Variants in GAREM1 observed in about 807,000 individuals in gnomAD.
The protein encoded by GAREM1 is GRB2 associated regulator of MAPK1 subtype 1, also known as GRB2-associated and regulator of MAPK protein 1.
GAREM1 carries 26 observed loss-of-function variants against 71.3 expected under a neutral mutation model. The observed-to-expected ratio is 0.36, with a 90% CI of 0.27 to 0.51. The LOEUF (loss-of-function observed/expected upper bound fraction) is 0.51. Among genes scored for constraint, GAREM1 ranks in the 20% least tolerant of loss-of-function variants. The pLI is 0.95. For missense variants in GAREM1, 1,026 were observed against 1,103.1 expected (o/e 0.93, Z 0.99); for synonymous variants, 440 against 433.2 (o/e 1.02, Z -0.20).
intron 2 of GAREM1, among the ~76,000 whole-genome samples, chr18:32,317,886 C>T (rs1006653568): frequency 1.3e-5 from 2 of 152,044 alleles, no homozygotes; most frequent in Non-Finnish European, 2.9e-5. Flanking sequence ...AATCAATTTA[C>T]ATGACACATA....
chr18:32,333,274 C>T (rs1347058129), intron 2 of GAREM1, among the ~76,000 whole-genome samples: 1 of 151,874 alleles, frequency 6.6e-6, no homozygotes, highest in Non-Finnish European at 1.5e-5. Flanking sequence ...GGCACTGAAT[C>T]TTCACGTCAA....
intron 2 of GAREM1, among the ~76,000 whole-genome samples, chr18:32,325,073 C>G (rs1385473579): frequency 6.6e-6 from 1 of 152,184 alleles, no homozygotes; most frequent in East Asian, 1.9e-4. Context: ...ATTCTCCTGC[C>G]TCAGCCTCCG....
chr18:32,410,420 C>T (rs1445939080), intron 1 of GAREM1, among the ~76,000 whole-genome samples: 1 of 152,166 alleles, frequency 6.6e-6, no homozygotes, highest in African/African-American at 2.4e-5. Context: ...ATGATCATAG[C>T]TCAATGCAGC....
Position 32,266,196 on chromosome 18 carries a change from G to A in GAREM1, c.*1675C>T, listed in dbSNP as rs1046520362. On this transcript the variant is annotated 3_prime_UTR_variant, in exon 6 of 6. Transcript: ENST00000269209. ...CAATTCACTTCAACTCTAAAACCACGATATGGATTAAAAATATCTTTCTTC... is the reference window on the plus strand; with the variant it reads ...CAATTCACTTCAACTCTAAAACCACAATATGGATTAAAAATATCTTTCTTC... 33 of 152,094 alleles carry A rather than the reference G, an allele frequency of 2.2e-4. No individual in the cohort carries two copies. Among genetic ancestry groups the A allele is most frequent in the African/African-American group, 7.5e-4 (31 of 41,480 alleles). The allele number at this position is 152,094 out of a possible 1,614,324, so 9.4% of individuals were successfully genotyped here.
Position 32,267,499 on chromosome 18 carries a change from G to GT in GAREM1, c.*371dup, listed in dbSNP as rs58886413. On this transcript the variant is annotated 3_prime_UTR_variant, in exon 6 of 6. Transcript: ENST00000269209. The stretch of plus-strand genomic sequence containing the variant: ...TGAAAGAAGGGACTTGTTCAAAAGT[G>GT]TTTTTTTTTTTTTTTTAAAGATTTT... 9,365 of 143,166 alleles carry GT rather than the reference G, an allele frequency of 0.065. 490 individuals carry two copies. The highest frequency in any genetic ancestry group is 0.13 in the African/African-American group (5,178 of 39,212). 8.9% of individuals were successfully genotyped at this position (143,166 alleles called of 1,614,324 possible).
chr18:32,465,864 G>A (rs1458696306), intron 1 of GAREM1, among the ~76,000 whole-genome samples: 4 of 152,178 alleles, frequency 2.6e-5, no homozygotes. Context: ...GAAGGAACCT[G>A]TCGTTCACCA....
chr18:32,426,324 C>T (rs1461074572), intron 1 of GAREM1, among the ~76,000 whole-genome samples: 2 of 152,158 alleles, frequency 1.3e-5, no homozygotes, highest in African/African-American at 4.8e-5. Flanking sequence ...CGGCCTCTTT[C>T]TTTAATTCTA....
At chr18:32,286,028 T>C (rs917955137) in intron 4 of GAREM1, among the ~76,000 whole-genome samples, 2 of 152,166 alleles carry the variant, frequency 1.3e-5, no homozygotes, top group Non-Finnish European at 2.9e-5. Context: ...TAAAAAGGAT[T>C]CTTCTAGAGA....
intron 2 of GAREM1, among the ~76,000 whole-genome samples, chr18:32,354,665 C>T (rs779703971): frequency 6.6e-6 from 1 of 152,182 alleles, no homozygotes; most frequent in Non-Finnish European, 1.5e-5. Context: ...GGGGTCAACT[C>T]CCTCCACTGG....
At chr18:32,392,554 A>C (rs1380599213) in intron 2 of GAREM1, among the ~76,000 whole-genome samples, 1 of 152,310 alleles carries the variant, frequency 6.6e-6, no homozygotes, top group African/African-American at 2.4e-5. Context: ...TCACAAAAGC[A>C]ATGTTCAAAC....
In GAREM1 at chr18:32,297,585, A is replaced by G. The variant is rs2047155529; in HGVS notation, c.394-9382T>C. On this transcript the variant is annotated intron_variant, in intron 3 of 5. Transcript: ENST00000269209. ...GAAGCCCAAACCACTACTTCTAAGT[A>G]TTATCCTTCTCTGTACTGAATATCG... Among the ~76,000 whole-genome samples, 3 of 152,216 alleles carry G rather than the reference A, an allele frequency of 2.0e-5. No individual in the cohort carries two copies. In the South Asian group the frequency reaches 6.2e-4, roughly 32 times the overall value.
chr18:32,370,296 C>T (rs759295625), intron 2 of GAREM1, among the ~76,000 whole-genome samples: 12 of 151,784 alleles, frequency 7.9e-5, no homozygotes, highest in African/African-American at 2.2e-4. Flanking sequence ...GACGTGGTGG[C>T]GCACACCTGT....
chr18:32,467,198 T>TG (rs1407430197), intron 1 of GAREM1, among the ~76,000 whole-genome samples: 9 of 152,212 alleles, frequency 5.9e-5, no homozygotes, highest in Non-Finnish European at 1.2e-4. Flanking sequence ...CACTGCCTCT[T>TG]GCCTCTTTTC....
rs35086441 is a variant in GAREM1 at position 32,343,311 on chromosome 18, G to GTT, written c.263-32990_263-32989dup. Among the ~76,000 whole-genome samples the GTT allele has an allele frequency of 7.8e-3, 932 of 118,824 alleles. 12 individuals are homozygous for GTT. The highest frequency in any genetic ancestry group is 0.012 in the Non-Finnish European group (691 of 58,128). 78.0% of individuals were successfully genotyped at this position (118,824 alleles called of 152,430 possible). A position where few individuals can be genotyped will look rare whatever the true frequency, so the allele number is the denominator to read the frequency against. ...AGCTAAAAGAGTACTCTCCCCCACT[G>GTT]TTTTTTTTTTTTTTTTTTTTTGAGA... On this transcript the variant is annotated intron_variant, in intron 2 of 5. Coordinates refer to ENST00000269209, the MANE Select transcript of GAREM1 (RefSeq NM_001242409.2).
chr18:32,328,130 G>C (rs1049755712), intron 2 of GAREM1, among the ~76,000 whole-genome samples: 3 of 152,286 alleles, frequency 2.0e-5, no homozygotes, highest in Admixed American at 1.3e-4. Context: ...GTTCAAAGCA[G>C]TGTATGAAGT....
At chr18:32,363,141 G>A (rs1004690863) in intron 2 of GAREM1, among the ~76,000 whole-genome samples, 2 of 151,160 alleles carry the variant, frequency 1.3e-5, no homozygotes, top group African/African-American at 4.9e-5. Flanking sequence ...ATATACCAAA[G>A]TTTCCCTAGC....
chr18:32,358,245 T>G (rs577989029), intron 2 of GAREM1, among the ~76,000 whole-genome samples: 7 of 151,452 alleles, frequency 4.6e-5, no homozygotes, highest in Non-Finnish European at 1.0e-4. Flanking sequence ...ATCTCACAGG[T>G]GGGACTCCCA....
At chr18:32,343,311 GTTTT>G (rs35086441) in intron 2 of GAREM1, among the ~76,000 whole-genome samples, 7 of 118,882 alleles carry the variant, frequency 5.9e-5, no homozygotes, top group South Asian at 2.7e-4. Context: ...CTCCCCCACT[GTTTT>G]TTTTTTTTTT....
intron 4 of GAREM1, among the ~76,000 whole-genome samples, chr18:32,286,376 T>C (rs2047018486): frequency 6.7e-6 from 1 of 149,722 alleles, no homozygotes; most frequent in Admixed American, 6.7e-5. Flanking sequence ...CATTAGCACA[T>C]CCGCTATGCT....
Sources: allele counts gnomAD v4.1 joint callset (sites outside exome capture counted in the v4.1 genomes callset), GRCh38; gene constraint gnomAD v4.1.1; transcripts MANE v1.5; gene names NCBI Gene and HGNC (gene_info 2026-07-23, HGNC 2026-07-21).